SLC15A5: variants seen among roughly 807,000 people sequenced by gnomAD.
SLC15A5 encodes the protein Peptide/histidine transporter ENSP00000340402.
SLC15A5 carries 58 observed loss-of-function variants against 56.1 expected under a neutral mutation model. That is an observed-to-expected ratio of 1.03 (90% CI 0.84 to 1.29). SLC15A5 has a LOEUF of 1.29. Ranked by LOEUF, SLC15A5 falls within the 50% of genes most tolerant of loss-of-function variation. SLC15A5 has a pLI of 0.00. For synonymous variants in SLC15A5, 264 were observed against 250.5 expected, an observed-to-expected ratio of 1.05 and a Z score of -0.51; for missense variants, 681 against 672.1, an observed-to-expected ratio of 1.01 and a Z score of -0.15.
intron 6 of SLC15A5, among the ~76,000 whole-genome samples, chr12:16,221,932 A>G (rs1864191027): frequency 1.3e-5 from 2 of 152,154 alleles, no homozygotes; most frequent in South Asian, 4.1e-4. Context: ...AGTTCTGCTT[A>G]TGCTTCCAGG....
intron 3 of SLC15A5, among the ~76,000 whole-genome samples, chr12:16,252,005 A>AATCAATGTATTAC (rs1290291258): frequency 6.6e-6 from 1 of 152,088 alleles, no homozygotes; most frequent in Admixed American, 6.6e-5. Context: ...TACAAAAATC[A>AATCAATGTATTAC]ATCAATGTAT....
intron 1 of SLC15A5, among the ~76,000 whole-genome samples, chr12:16,272,997 G>T (rs549924671): frequency 1.4e-5 from 2 of 147,734 alleles, no homozygotes; most frequent in East Asian, 2.0e-4. Flanking sequence ...GGAGTTTTAG[G>T]TTTTTTTTTT....
chr12:16,274,791 T>C (rs143785379), intron 1 of SLC15A5, among the ~76,000 whole-genome samples: 1 of 152,248 alleles, frequency 6.6e-6, no homozygotes, highest in Non-Finnish European at 1.5e-5. Context: ...ACTTTTAGTT[T>C]GAATGATATA....
intron 1 of SLC15A5, 125 bp downstream of exon 1, chr12:16,277,200 C>T: frequency 3.2e-6 from 3 of 941,458 alleles, no homozygotes; most frequent in Non-Finnish European, 4.6e-6. Context: ...ACATTGAACC[C>T]ACATTCTTAC....
rs1215245789 is a variant in SLC15A5, at chr12:16,216,840, A to G, written c.1483+53T>C. On this transcript the variant is annotated intron_variant, in intron 7 of 8. Transcript: ENST00000344941. Reference sequence around the variant, plus strand: ...CCCTTTCTTAAGATTTGGTCTCCCCATTCCCTAGTCATCAACTCAATGTAT... The same window carrying G: ...CCCTTTCTTAAGATTTGGTCTCCCCGTTCCCTAGTCATCAACTCAATGTAT... 20 of 1,465,258 alleles carry G rather than the reference A, an allele frequency of 1.4e-5. 1 individual carries two copies. The highest frequency in any genetic ancestry group is 1.8e-5 in the Non-Finnish European group (20 of 1,110,536). 90.8% of individuals were successfully genotyped at this position (1,465,258 alleles called of 1,614,324 possible). A position where few individuals can be genotyped will look rare whatever the true frequency, so the allele number is the denominator to read the frequency against.
intron 6 of SLC15A5, among the ~76,000 whole-genome samples, chr12:16,221,343 G>C (rs1257316507): frequency 6.6e-6 from 1 of 152,154 alleles, no homozygotes; most frequent in African/African-American, 2.4e-5. Context: ...TAATTAAGTG[G>C]AAAGTGATGG....
chr12:16,255,685 T>TA (rs928173326), intron 3 of SLC15A5, among the ~76,000 whole-genome samples: 20 of 150,754 alleles, frequency 1.3e-4, no homozygotes, highest in East Asian at 3.9e-4. Flanking sequence ...ATGGCAAATG[T>TA]AAAAAAAAAC....
At chr12:16,274,408 A>G (rs910754544) in intron 1 of SLC15A5, among the ~76,000 whole-genome samples, 6 of 152,122 alleles carry the variant, frequency 3.9e-5, no homozygotes, top group South Asian at 2.1e-4. Context: ...TTAATTTGGC[A>G]TTAATGTTAT....
At chr12:16,251,729 C>T (rs1302892124) in intron 3 of SLC15A5, among the ~76,000 whole-genome samples, 1 of 151,844 alleles carries the variant, frequency 6.6e-6, no homozygotes, top group Non-Finnish European at 1.5e-5. Context: ...CACTGGAGAA[C>T]GGTACCAAAC....
chr12:16,272,295 A>G (rs1227551756), intron 2 of SLC15A5, among the ~76,000 whole-genome samples: 1 of 152,112 alleles, frequency 6.6e-6, no homozygotes, highest in Non-Finnish European at 1.5e-5. Flanking sequence ...GCCACATTCT[A>G]TTCTGCAGGA....
chr12:16,193,969 C>T (rs1863869538), intron 8 of SLC15A5, among the ~76,000 whole-genome samples: 1 of 151,764 alleles, frequency 6.6e-6, no homozygotes, highest in Non-Finnish European at 1.5e-5. Context: ...GATTTAAAAG[C>T]CTGAATAGGA....
At chr12:16,210,136 A>G (rs1247574861) in intron 7 of SLC15A5, among the ~76,000 whole-genome samples, 2 of 152,070 alleles carry the variant, frequency 1.3e-5, no homozygotes, top group Non-Finnish European at 2.9e-5. Context: ...GCCTTGATAT[A>G]TGTGCTCTCT....
chr12:16,268,448 A>G (rs1474429703), intron 2 of SLC15A5, among the ~76,000 whole-genome samples: 1 of 152,162 alleles, frequency 6.6e-6, no homozygotes, highest in Admixed American at 6.5e-5. Flanking sequence ...TTTCATAGCT[A>G]TTTACAAGCT....
chr12:16,276,319 G>C (rs1469761512), intron 1 of SLC15A5, among the ~76,000 whole-genome samples: 1 of 151,936 alleles, frequency 6.6e-6, no homozygotes, highest in African/African-American at 2.4e-5. Context: ...TTTCTCATCT[G>C]TCCCCCTACC....
intron 7 of SLC15A5, 72 bp downstream of exon 7, chr12:16,216,821 C>A (rs1425188496): frequency 7.4e-7 from 1 of 1,344,792 alleles, no homozygotes; most frequent in African/African-American, 1.5e-5. Context: ...AAGCCCCTTT[C>A]TTAAGATTTG....
intron 7 of SLC15A5, among the ~76,000 whole-genome samples, chr12:16,203,682 T>G (rs1319580581): frequency 6.6e-6 from 1 of 152,198 alleles, no homozygotes; most frequent in Admixed American, 6.5e-5. Flanking sequence ...TGTGACTGTC[T>G]TCTGGTATTA....
chr12:16,218,785 A>G (rs1324285283), intron 6 of SLC15A5, among the ~76,000 whole-genome samples: 3 of 152,230 alleles, frequency 2.0e-5, no homozygotes, highest in East Asian at 3.9e-4. Context: ...TTCCTTCTCT[A>G]TGAGAAGTAA....
intron 1 of SLC15A5, among the ~76,000 whole-genome samples, chr12:16,275,851 G>A (rs146026046): frequency 6.6e-6 from 1 of 151,862 alleles, no homozygotes; most frequent in Non-Finnish European, 1.5e-5. Context: ...CTGTTACCAA[G>A]GTAAGCAGAG....
At chr12:16,236,521 A>G (rs1170057421) in intron 5 of SLC15A5, among the ~76,000 whole-genome samples, 1 of 152,230 alleles carries the variant, frequency 6.6e-6, no homozygotes, top group African/African-American at 2.4e-5. Flanking sequence ...ATCTTGAATC[A>G]GAAACACCTT....
Sources: gnomAD v4.1 joint callset for allele counts (sites outside exome capture counted in the v4.1 genomes callset) on GRCh38, gnomAD v4.1.1 for gene constraint, MANE v1.5 for transcripts, NCBI Gene and HGNC (gene_info 2026-07-23, HGNC 2026-07-21) for gene names.